The following MACROD2 variants were observed in gnomAD, a reference collection of about 807,000 sequenced individuals.
The protein encoded by MACROD2 is mono-ADP ribosylhydrolase 2.
In MACROD2, 36 loss-of-function variants were observed where a neutral mutation model predicts 70.4. The observed-to-expected ratio is 0.51, with a 90% CI of 0.39 to 0.68. MACROD2 has a LOEUF of 0.68. Ranked by LOEUF, MACROD2 falls within the 30% of genes least tolerant of loss-of-function variation. The pLI is 0.00. For synonymous variants in MACROD2, 172 were observed against 178.8 expected (o/e 0.96, Z 0.30); for missense variants, 496 against 538.4 (o/e 0.92, Z 0.78).
chr20:16,025,227 T>G (rs2067061058), intron 15 of MACROD2, among the ~76,000 whole-genome samples: 1 of 152,188 alleles, frequency 6.6e-6, no homozygotes, highest in Non-Finnish European at 1.5e-5. Flanking sequence ...GGCCCATTAT[T>G]TGGTGCTCGC....
chr20:14,226,342 A>G (rs796484655), intron 3 of MACROD2, among the ~76,000 whole-genome samples: 35 of 152,298 alleles, frequency 2.3e-4, no homozygotes, highest in African/African-American at 7.5e-4. Flanking sequence ...AGGTGACAGC[A>G]TGCTGGCAGT....
chr20:14,049,731 G>A (rs544368745), intron 2 of MACROD2, among the ~76,000 whole-genome samples: 1 of 151,792 alleles, frequency 6.6e-6, no homozygotes, highest in South Asian at 2.1e-4. Context: ...ACTCCAGCCT[G>A]GGTGACAAGA....
chr20:15,123,521 A>G (rs2123255110), intron 5 of MACROD2, among the ~76,000 whole-genome samples: 1 of 152,310 alleles, frequency 6.6e-6, no homozygotes, highest in South Asian at 2.1e-4. Flanking sequence ...AGATTGTCTC[A>G]TTAATCCTTT....
chr20:15,498,170 C>T (rs1400815254), intron 7 of MACROD2, among the ~76,000 whole-genome samples: 1 of 152,116 alleles, frequency 6.6e-6, no homozygotes, highest in Non-Finnish European at 1.5e-5. Context: ...GTTTTGTCCC[C>T]TTTCTTAATG....
intron 6 of MACROD2, among the ~76,000 whole-genome samples, chr20:15,382,350 A>G (rs1017708811): frequency 8.5e-5 from 13 of 152,290 alleles, no homozygotes; most frequent in African/African-American, 2.6e-4. Context: ...CTCCCATCCA[A>G]TAAACTGAAG....
chr20:15,415,047 G>A (rs969965047), intron 6 of MACROD2, among the ~76,000 whole-genome samples: 4 of 152,196 alleles, frequency 2.6e-5, no homozygotes, highest in African/African-American at 9.7e-5. Context: ...AAAAATGGTG[G>A]AGAGGGGAGC....
chr20:14,323,962 C>G (rs1467139937), intron 3 of MACROD2: 1 of 152,102 alleles, frequency 6.6e-6, no homozygotes, highest in African/African-American at 2.4e-5. Flanking sequence ...ACACTGAACT[C>G]TTTGAAGTAA....
At chr20:15,893,318 G>A (rs2064918282) in intron 10 of MACROD2, among the ~76,000 whole-genome samples, 2 of 152,262 alleles carry the variant, frequency 1.3e-5, no homozygotes. Context: ...AAAAGTGAAG[G>A]TCAAGATTTG....
chr20:15,873,118 G>A (rs2064609860), intron 9 of MACROD2, among the ~76,000 whole-genome samples: 1 of 152,128 alleles, frequency 6.6e-6, no homozygotes, highest in Non-Finnish European at 1.5e-5. Flanking sequence ...TTCTAAAAGT[G>A]GAATCACTTT....
chr20:14,851,865 C>A (rs1357307072), intron 5 of MACROD2, among the ~76,000 whole-genome samples: 1 of 152,106 alleles, frequency 6.6e-6, no homozygotes, highest in African/African-American at 2.4e-5. Context: ...AGGACTTGAG[C>A]CCACGCTGTA....
At chr20:15,332,020 T>G (rs1158938578) in intron 6 of MACROD2, among the ~76,000 whole-genome samples, 1 of 151,330 alleles carries the variant, frequency 6.6e-6, no homozygotes, top group Non-Finnish European at 1.5e-5. Flanking sequence ...AAAACAAAAT[T>G]AAGGTTATAG....
At chr20:15,292,609 G>A (rs1343762976) in intron 6 of MACROD2, among the ~76,000 whole-genome samples, 1 of 152,174 alleles carries the variant, frequency 6.6e-6, no homozygotes, top group East Asian at 1.9e-4. Flanking sequence ...CAGAGTCGAA[G>A]TGCTGACTTC....
chr20:14,766,491 G>A (rs911243415), intron 5 of MACROD2, among the ~76,000 whole-genome samples: 4 of 152,122 alleles, frequency 2.6e-5, no homozygotes, highest in Admixed American at 1.3e-4. Context: ...AGCAATTAGA[G>A]ATTGGTGGAA....
At chr20:14,453,935 AATTT>A (rs1241569099) in intron 3 of MACROD2, among the ~76,000 whole-genome samples, 1 of 151,828 alleles carries the variant, frequency 6.6e-6, no homozygotes. Context: ...TTCATACCTT[AATTT>A]ATTTAACCAA....
intron 5 of MACROD2, among the ~76,000 whole-genome samples, chr20:14,774,949 T>C (rs1190823519): frequency 6.6e-6 from 1 of 152,122 alleles, no homozygotes; most frequent in Non-Finnish European, 1.5e-5. Context: ...ACTACCACAA[T>C]TACCAAACTG....
chr20:14,868,073 T>A (rs1393763230), intron 5 of MACROD2, among the ~76,000 whole-genome samples: 1 of 152,056 alleles, frequency 6.6e-6, no homozygotes, highest in Non-Finnish European at 1.5e-5. Context: ...TAGAAACATA[T>A]TAGCCATTCT....
chr20:15,932,671 G>C (rs886589661), intron 10 of MACROD2, among the ~76,000 whole-genome samples: 1 of 152,102 alleles, frequency 6.6e-6, no homozygotes, highest in Non-Finnish European at 1.5e-5. Context: ...CACAGATATA[G>C]TAGCTATTTT....
chr20:14,048,262 GA>G (rs1366263508), intron 2 of MACROD2, among the ~76,000 whole-genome samples: 2 of 152,158 alleles, frequency 1.3e-5, no homozygotes, highest in African/African-American at 4.8e-5. Flanking sequence ...ATATAGCAGG[GA>G]AGAAATGTAA....
chr20:15,906,753 A>G (rs968870178), intron 10 of MACROD2, among the ~76,000 whole-genome samples: 1 of 152,154 alleles, frequency 6.6e-6, no homozygotes, highest in African/African-American at 2.4e-5. Flanking sequence ...AATGTTTCCA[A>G]TTTGGATTGG....
Sources: gnomAD v4.1 joint callset for allele counts (sites outside exome capture counted in the v4.1 genomes callset) on GRCh38, gnomAD v4.1.1 for gene constraint, MANE v1.5 for transcripts, NCBI Gene and HGNC (gene_info 2026-07-23, HGNC 2026-07-21) for gene names.